The following HIVEP3 variants were observed in gnomAD, a reference collection of about 807,000 sequenced individuals.
HIVEP3 encodes the protein transcription factor HIVEP3.
In HIVEP3, 49 loss-of-function variants were observed where a neutral mutation model predicts 152.8. The ratio of observed to expected loss-of-function variants is 0.32; its 90% CI spans 0.26 to 0.41. HIVEP3 has a LOEUF of 0.41. HIVEP3 is among the 10% of genes least tolerant of loss of function. HIVEP3 has a pLI of 1.00. For missense variants in HIVEP3, 2,790 were observed against 3,103.3 expected (o/e 0.90, Z 2.40); for synonymous variants, 1,269 against 1,289.0 (o/e 0.98, Z 0.33).
chr1:41,885,524 G>C (rs1018114992), intron 1 of HIVEP3, among the ~76,000 whole-genome samples: 1 of 152,122 alleles, frequency 6.6e-6, no homozygotes, highest in African/African-American at 2.4e-5. Flanking sequence ...AAATTAACTG[G>C]GCATGGTGGT....
intron 1 of HIVEP3, among the ~76,000 whole-genome samples, chr1:41,793,910 A>AT (rs1649839558): frequency 6.6e-6 from 1 of 152,210 alleles, no homozygotes; most frequent in African/African-American, 2.4e-5. Flanking sequence ...TCACTGAAAT[A>AT]TTTTTATATA....
chr1:41,917,831 G>A (rs559057397), intron 1 of HIVEP3, among the ~76,000 whole-genome samples: 1 of 152,164 alleles, frequency 6.6e-6, no homozygotes, highest in African/African-American at 2.4e-5. Context: ...TATTTTCAGG[G>A]GGCTAGGATT....
chr1:41,893,516 A>G (rs1479246882), intron 1 of HIVEP3, among the ~76,000 whole-genome samples: 1 of 151,124 alleles, frequency 6.6e-6, no homozygotes, highest in Admixed American at 6.6e-5. Context: ...TATACCTCCT[A>G]CAATGCCCAG....
At chr1:41,522,147 A>G (rs1642775441) in intron 6 of HIVEP3, among the ~76,000 whole-genome samples, 1 of 152,172 alleles carries the variant, frequency 6.6e-6, no homozygotes, top group Non-Finnish European at 1.5e-5. Context: ...GAGGTGGCCC[A>G]ATGGGGAGGC....
At chr1:41,959,392 TGA>T (rs1303953150) in intron 1 of HIVEP3, among the ~76,000 whole-genome samples, 1 of 152,208 alleles carries the variant, frequency 6.6e-6, no homozygotes, top group Non-Finnish European at 1.5e-5. Flanking sequence ...CTGCTATAGC[TGA>T]GAGTCTGATC....
intron 1 of HIVEP3, among the ~76,000 whole-genome samples, chr1:41,784,639 G>A (rs578245490): frequency 2.0e-4 from 31 of 152,260 alleles, no homozygotes; most frequent in Non-Finnish European, 2.8e-4. Context: ...GAGGGGCTGG[G>A]GCAGGCAAGC....
At chr1:41,737,516 T>A (rs190574095) in intron 1 of HIVEP3, among the ~76,000 whole-genome samples, 1 of 152,322 alleles carries the variant, frequency 6.6e-6, no homozygotes, top group Non-Finnish European at 1.5e-5. Flanking sequence ...GGGTTTAGTG[T>A]CCTGGGCTAC....
intron 1 of HIVEP3, among the ~76,000 whole-genome samples, chr1:41,832,506 G>A (rs1248696719): frequency 6.6e-6 from 1 of 152,170 alleles, no homozygotes; most frequent in African/African-American, 2.4e-5. Flanking sequence ...ACTCCAGCCT[G>A]GATGACACAG....
At chr1:41,689,342 G>A (rs1337433665) in intron 2 of HIVEP3, among the ~76,000 whole-genome samples, 3 of 152,166 alleles carry the variant, frequency 2.0e-5, no homozygotes, top group African/African-American at 7.2e-5. Flanking sequence ...GGGAATAGGC[G>A]CTGAGGGGCT....
intron 1 of HIVEP3, among the ~76,000 whole-genome samples, chr1:41,719,779 C>T (rs1056286542): frequency 2.0e-5 from 3 of 152,208 alleles, no homozygotes; most frequent in African/African-American, 7.2e-5. Flanking sequence ...ACAGCAGCCC[C>T]AGTGGGACTC....
At chr1:41,645,040 C>T (rs923432234) in intron 2 of HIVEP3, among the ~76,000 whole-genome samples, 1 of 152,178 alleles carries the variant, frequency 6.6e-6, no homozygotes, top group African/African-American at 2.4e-5. Context: ...TCCTAGAAGC[C>T]AGGCTCCACC....
At chr1:41,854,539 T>A (rs1482724804) in intron 1 of HIVEP3, among the ~76,000 whole-genome samples, 74 of 144,064 alleles carry the variant, frequency 5.1e-4, no homozygotes, top group Middle Eastern at 6.9e-3. Flanking sequence ...TTTTTTTTTT[T>A]ATACTCTAAG....
intron 1 of HIVEP3, among the ~76,000 whole-genome samples, chr1:41,865,992 T>C (rs1275909211): frequency 6.6e-6 from 1 of 152,224 alleles, no homozygotes; most frequent in Non-Finnish European, 1.5e-5. Context: ...TGAGGCCTTC[T>C]GTGCCTTCTC....
chr1:41,865,365 T>C (rs1439367494), intron 1 of HIVEP3, among the ~76,000 whole-genome samples: 1 of 152,160 alleles, frequency 6.6e-6, no homozygotes, highest in African/African-American at 2.4e-5. Context: ...CTGGCGGTGA[T>C]AGCAGGGGCA....
intron 1 of HIVEP3, among the ~76,000 whole-genome samples, chr1:41,763,825 A>G (rs1299042363): frequency 6.6e-6 from 1 of 152,250 alleles, no homozygotes; most frequent in Non-Finnish European, 1.5e-5. Context: ...AATAGAGGTG[A>G]AGGTTAAATG....
chr1:41,764,477 A>C (rs908039236), intron 1 of HIVEP3, among the ~76,000 whole-genome samples: 1 of 152,188 alleles, frequency 6.6e-6, no homozygotes, highest in Non-Finnish European at 1.5e-5. Context: ...ATGCTCAGTG[A>C]CCAGAGGGAC....
chr1:41,737,646 C>G (rs1646939141), intron 1 of HIVEP3, among the ~76,000 whole-genome samples: 1 of 152,144 alleles, frequency 6.6e-6, no homozygotes, highest in Admixed American at 6.6e-5. Flanking sequence ...AATAAAGGCT[C>G]AGAGAAGAGA....
At chr1:41,963,621 A>G (rs1006343162) in intron 1 of HIVEP3, among the ~76,000 whole-genome samples, 23 of 152,084 alleles carry the variant, frequency 1.5e-4, no homozygotes, top group African/African-American at 4.8e-4. Flanking sequence ...ACATGTATAC[A>G]TATGTAACAA....
chr1:41,510,041 T>G lies in HIVEP3; in HGVS notation c.*410A>C. On this transcript the variant is annotated 3_prime_UTR_variant, in exon 9 of 9. Transcript: ENST00000372583. The stretch of plus-strand genomic sequence containing the variant: ...GTACACAGGAGTGCTTCCTTTTACA[T>G]TTAATTCTATATTGTTTGAAGTTTC... The G allele has an allele frequency of 6.4e-6, 1 of 155,754 alleles. No homozygotes were observed. Among genetic ancestry groups the G allele is most frequent in the South Asian group, 2.1e-4 (1 of 4,866 alleles). The allele number at this position is 155,754 out of a possible 1,614,324, so 9.6% of individuals were successfully genotyped here. A position where few individuals can be genotyped will look rare whatever the true frequency, so the allele number is the denominator to read the frequency against.
Sources: allele counts gnomAD v4.1 joint callset (sites outside exome capture counted in the v4.1 genomes callset), GRCh38; gene constraint gnomAD v4.1.1; transcripts MANE v1.5; gene names NCBI Gene and HGNC (gene_info 2026-07-23, HGNC 2026-07-21).